Variants in EPS15L1 observed in about 807,000 individuals in gnomAD.
EPS15L1 encodes the protein epidermal growth factor receptor substrate 15-like 1.
Under a neutral mutation model 117.1 loss-of-function variants are expected in EPS15L1, and 43 were observed. The observed-to-expected ratio is 0.37, with a 90% confidence interval of 0.29 to 0.47. The LOEUF is 0.47. EPS15L1 is among the 20% of genes least tolerant of loss of function. EPS15L1 has a pLI of 0.99. For synonymous variants in EPS15L1, 459 were observed against 470.5 expected, an observed-to-expected ratio of 0.98 and a Z score of 0.32; for missense variants, 981 against 1,164.0, an observed-to-expected ratio of 0.84 and a Z score of 2.29.
At chr19:16,447,588 C>G (rs1158135912) in intron 1 of EPS15L1, among the ~76,000 whole-genome samples, 1 of 151,854 alleles carries the variant, frequency 6.6e-6, no homozygotes, top group Non-Finnish European at 1.5e-5. Context: ...GATGAAACCC[C>G]ATCACTACTA....
In EPS15L1 at chr19:16,425,268, C is replaced by A; in HGVS notation, c.607G>T (p.Ala203Ser). The A allele has an allele frequency of 1.0e-6, 1 of 995,910 alleles. No homozygotes were observed. Among genetic ancestry groups the A allele is most frequent in the African/African-American group, 1.7e-5 (1 of 59,882 alleles). 61.7% of individuals were successfully genotyped at this position (995,910 alleles called of 1,614,324 possible). A position where few individuals can be genotyped will look rare whatever the true frequency, so the allele number is the denominator to read the frequency against. ...RALEKEPVPS[A>S]LPPSLIPPSK... Reference sequence around the variant, plus strand: ...GGTGGGATGAGGGACGGGGGCAGGGCGGAGGGCACGGGCTCCTTCTCCAGG... The same window carrying A: ...GGTGGGATGAGGGACGGGGGCAGGGAGGAGGGCACGGGCTCCTTCTCCAGG... The change falls in exon 9 of 24, where the codon GCC (alanine) becomes TCC (serine). Residue 203 changes from alanine to serine, a missense_variant. By Grantham distance (99) the Ala-to-Ser change is moderately conservative. This residue lies in a region of EPS15L1 where 819 missense variants were observed against 949.0 expected (regional missense o/e 0.86). Coordinates refer to ENST00000455140, the MANE Select transcript of EPS15L1 (RefSeq NM_001258374.3).
At chr19:16,402,616 A>G in intron 15 of EPS15L1, 131 bp from the exon 16 acceptor site, 1 of 837,328 alleles carries the variant, frequency 1.2e-6, no homozygotes, top group Non-Finnish European at 1.7e-6. Context: ...ATCATAGCTC[A>G]CTGTAGCCTT....
upstream of EPS15L1, chr19:16,472,006 G>T: frequency 1.6e-6 from 2 of 1,221,852 alleles, no homozygotes; most frequent in Non-Finnish European, 2.1e-6. Context: ...AGCCACGCGT[G>T]CGCACTGGGA....
chr19:16,366,715 G>A (rs1003125076), intron 22 of EPS15L1, among the ~76,000 whole-genome samples: 5 of 152,164 alleles, frequency 3.3e-5, no homozygotes, highest in Non-Finnish European at 7.3e-5. Context: ...GACCTGACAC[G>A]TGTGAGGTCA....
At chr19:16,380,738 G>A (rs2034892) in intron 21 of EPS15L1, among the ~76,000 whole-genome samples, 95,548 of 152,142 alleles carry the variant, frequency 0.63, 30,721 homozygotes, top group Middle Eastern at 0.73. Flanking sequence ...CGACTCTCTA[G>A]GTCTCTACAA....
intron 13 of EPS15L1, among the ~76,000 whole-genome samples, chr19:16,407,217 A>AAG (rs2092665366): frequency 6.6e-6 from 1 of 152,176 alleles, no homozygotes; most frequent in Non-Finnish European, 1.5e-5. Context: ...CCACTTCTCT[A>AAG]AGAGGGTTCT....
chr19:16,428,705 A>G lies in EPS15L1; in HGVS notation c.555T>C (p.Ala185=), dbSNP rs752845731. ...KDGHLDRDEF[A]VAMHLVYRAL... ...GGGAGGAAACAGCAGGACTTACCACAGCGAACTCATCTCGATCCAAGTGCC... is the reference window on the plus strand; with the variant it reads ...GGGAGGAAACAGCAGGACTTACCACGGCGAACTCATCTCGATCCAAGTGCC... Residue 185 remains alanine (A), a synonymous_variant, in exon 8 of 24, where the codon GCT becomes GCC. Transcript: ENST00000455140. The G allele has an allele frequency of 2.4e-5, 39 of 1,611,290 alleles. No homozygotes were observed. Among genetic ancestry groups the G allele is most frequent in the Non-Finnish European group, 3.0e-5 (35 of 1,179,126 alleles).
At position 16,432,186 on chromosome 19, in the gene EPS15L1, C is replaced by A. The variant is rs901951302; in HGVS notation, c.498+2179G>T. ...CGGTGGCTCACGCTTGTAATCCTTGCACTTTGGGAGGCCGAGGCAGGTGGA... is the reference window on the plus strand; with the variant it reads ...CGGTGGCTCACGCTTGTAATCCTTGAACTTTGGGAGGCCGAGGCAGGTGGA... On this transcript the variant is annotated intron_variant, in intron 7 of 23. Transcript: ENST00000455140. Among the ~76,000 whole-genome samples, 3 of 152,300 alleles carry A rather than the reference C, an allele frequency of 2.0e-5. No homozygotes were observed. In the South Asian group the frequency reaches 6.2e-4, roughly 32 times the overall value.
chr19:16,367,753 C>CAAAAAAAAAAAAAAAAAAAACCAAAAAAA (rs60689307), intron 22 of EPS15L1, among the ~76,000 whole-genome samples: 1 of 50,728 alleles, frequency 2.0e-5, no homozygotes, highest in South Asian at 6.1e-4. Context: ...GGGTGCAAAG[C>CAAAAAAAAAAAAAAAAAAAACCAAAAAAA]AAAAAAAAAA....
Position 16,436,979 on chromosome 19 carries a change from C to T in EPS15L1, c.330G>A (p.Leu110=), listed in dbSNP as rs774594188. 6 of 1,614,098 alleles carry T rather than the reference C, an allele frequency of 3.7e-6. No individual in the cohort carries two copies. In the Admixed American group the frequency reaches 1.0e-4, roughly 27 times the overall value. The part of the protein sequence containing the change: ...PPKFHDTSSP[L]MVTPPSAEAH... ...CCTCTGCAGAGGGCGGTGTGACCAT[C>T]AGAGGGCTGCTGGTGTCGTGCTGAG... The change falls in exon 6 of 24, where the codon CTG becomes CTA. Residue 110 remains leucine (L), a synonymous_variant. Coordinates refer to ENST00000455140, the MANE Select transcript of EPS15L1 (RefSeq NM_001258374.3).
intron 1 of EPS15L1, among the ~76,000 whole-genome samples, chr19:16,461,545 C>G (rs201017085): frequency 0.039 from 5,947 of 151,826 alleles, 264 homozygotes; most frequent in Admixed American, 0.094. Context: ...TCACTTGAAC[C>G]CAAGAGGCAA....
intron 22 of EPS15L1, among the ~76,000 whole-genome samples, chr19:16,364,148 A>C (rs2092099721): frequency 6.6e-6 from 1 of 152,200 alleles, no homozygotes; most frequent in South Asian, 2.1e-4. Context: ...GATGAGAAAG[A>C]GGGGAGGTCG....
chr19:16,358,554 C>A (rs927238357), intron 23 of EPS15L1, among the ~76,000 whole-genome samples: 3 of 152,200 alleles, frequency 2.0e-5, no homozygotes, highest in Non-Finnish European at 4.4e-5. Flanking sequence ...GGGCATGACA[C>A]CACCCTAGCC....
intron 18 of EPS15L1, 40 bp downstream of exon 18, chr19:16,393,911 A>G: frequency 6.2e-7 from 1 of 1,604,306 alleles, no homozygotes; most frequent in Non-Finnish European, 8.5e-7. Context: ...CCAGGACTGG[A>G]CACAGTCTAA....
chr19:16,467,104 T>C (rs2093311842), intron 1 of EPS15L1, among the ~76,000 whole-genome samples: 1 of 151,362 alleles, frequency 6.6e-6, no homozygotes, highest in South Asian at 2.1e-4. Context: ...GACCTAAACA[T>C]TGAAAAGCAG....
Position 16,377,308 on chromosome 19 carries a change from C to T in EPS15L1, c.2248-54G>A, listed in dbSNP as rs577280202. The T allele has an allele frequency of 1.3e-4, 215 of 1,599,702 alleles. 2 individuals are homozygous for T. In the South Asian group the frequency reaches 1.9e-3, roughly 14 times the overall value. On this transcript the variant is annotated intron_variant, in intron 21 of 23. Coordinates refer to ENST00000455140, the MANE Select transcript of EPS15L1 (RefSeq NM_001258374.3). ...AAAATAGTTGTTAAAACAAAGGTGA[C>T]GGATGTCCACTGAACAGACGCTCAT...
In EPS15L1 at chr19:16,437,785, C is replaced by T. The variant is rs758574585; in HGVS notation, c.294G>A (p.Met98Ile). Reference protein sequence around the residue: ...EVTLSNLNLSMPPPKFHDTSS... With the variant: ...EVTLSNLNLSIPPPKFHDTSS... ...GGACACTCACAAATTTAGGCGGTGG[C>T]ATGCTCAAATTCAGATTGCTCAAGG... is the stretch of plus-strand genomic sequence containing the variant. The change falls in exon 5 of 24, where the codon ATG (methionine) becomes ATA (isoleucine). Residue 98 changes from methionine to isoleucine, a missense_variant. This residue lies in a region of EPS15L1 where 62 missense variants were observed against 104.2 expected (regional missense o/e 0.59). Transcript: ENST00000455140. 2 of 1,613,796 alleles carry T rather than the reference C, an allele frequency of 1.2e-6. No individual in the cohort carries two copies. The highest frequency in any genetic ancestry group is 1.7e-6 in the Non-Finnish European group (2 of 1,179,856).
intron 1 of EPS15L1, among the ~76,000 whole-genome samples, chr19:16,458,593 G>T (rs532926458): frequency 6.6e-6 from 1 of 151,984 alleles, no homozygotes; most frequent in Non-Finnish European, 1.5e-5. Context: ...GGTGTGTAAC[G>T]GAGGCTAAGG....
intron 1 of EPS15L1, among the ~76,000 whole-genome samples, chr19:16,462,621 T>G (rs2093264170): frequency 6.6e-6 from 1 of 152,052 alleles, no homozygotes; most frequent in African/African-American, 2.4e-5. Flanking sequence ...TGAGCCAAGA[T>G]CATGCCATTA....
Sources: allele counts gnomAD v4.1 joint callset (sites outside exome capture counted in the v4.1 genomes callset), GRCh38; gene constraint gnomAD v4.1.1; regional missense constraint gnomAD v4.1.1; transcripts MANE v1.5; gene names NCBI Gene and HGNC (gene_info 2026-07-23, HGNC 2026-07-21).